CIT: variants seen among roughly 807,000 people sequenced by gnomAD.
CIT encodes the protein citron Rho-interacting kinase.
In CIT, 79 loss-of-function variants were observed where a neutral mutation model predicts 272.7. The ratio of observed to expected loss-of-function variants is 0.29; its 90% CI spans 0.24 to 0.35. The LOEUF is 0.35. CIT is among the 10% of genes least tolerant of loss of function. The probability of loss-of-function intolerance (pLI) is 1.00; values close to 1 mark genes in which losing one functional copy is unlikely to be tolerated. For synonymous variants in CIT, 948 were observed against 995.6 expected, an observed-to-expected ratio of 0.95 and a Z score of 0.90; for missense variants, 1,909 against 2,618.3, an observed-to-expected ratio of 0.73 and a Z score of 5.91.
At chr12:119,702,947 T>C (rs899159876) in intron 41 of CIT, among the ~76,000 whole-genome samples, 1 of 152,234 alleles carries the variant, frequency 6.6e-6, no homozygotes. Flanking sequence ...TTATTTTTAG[T>C]TGTTTTTAGG....
chr12:119,813,807 G>A (rs1966898271), intron 9 of CIT, among the ~76,000 whole-genome samples: 1 of 152,202 alleles, frequency 6.6e-6, no homozygotes, highest in African/African-American at 2.4e-5. Flanking sequence ...ACACTTCCGA[G>A]GGATGGGGCC....
At chr12:119,803,579 ACCAAC>A (rs1303114117) in intron 9 of CIT, 190 bp from the exon 10 acceptor site, 7 of 443,720 alleles carry the variant, frequency 1.6e-5, no homozygotes, top group Non-Finnish European at 2.8e-5. Context: ...CAACATGGCC[ACCAAC>A]CCGCAGACAG....
At chr12:119,852,553 A>C (rs932061501) in intron 4 of CIT, among the ~76,000 whole-genome samples, 3 of 150,792 alleles carry the variant, frequency 2.0e-5, no homozygotes, top group Admixed American at 6.6e-5. Context: ...GTCTCTACTA[A>C]AAAAAATACA....
intron 9 of CIT, among the ~76,000 whole-genome samples, chr12:119,813,098 G>A (rs142579648): frequency 1.3e-5 from 2 of 152,332 alleles, no homozygotes; most frequent in African/African-American, 4.8e-5. Context: ...TCTGTTGGTA[G>A]GATGGGCAAA....
At position 119,728,553 on chromosome 12, in the gene CIT, T is replaced by C. The variant is rs756132568; in HGVS notation, c.3540A>G (p.Leu1180=). 6.2e-7 allele frequency: 1 copy of C among 1,613,896 alleles called. No homozygotes were observed. The highest frequency in any genetic ancestry group is 8.5e-7 in the Non-Finnish European group (1 of 1,179,938). ...HAMLEMNARS[L]QQKLETEREL... ...CTCGTTCAGTCTCCAGCTTCTGCTG[T>C]AAGCTTCGGGCATTCATTTCAAGCA... is the stretch of plus-strand genomic sequence containing the variant. The change falls in exon 28 of 48, where the codon TTA becomes TTG. Residue 1180 remains leucine, a synonymous_variant. Coordinates refer to ENST00000392521, the MANE Select transcript of CIT (RefSeq NM_001206999.2). The surrounding 1 kb of genome is among the most constrained non-coding windows in gnomAD (Gnocchi z 4.3).
intron 10 of CIT, among the ~76,000 whole-genome samples, chr12:119,797,673 C>T (rs886421785): frequency 2.0e-5 from 3 of 152,190 alleles, no homozygotes; most frequent in African/African-American, 7.2e-5. Flanking sequence ...CAATAGGGAT[C>T]TAGGTAGCAA....
intron 5 of CIT, among the ~76,000 whole-genome samples, chr12:119,838,208 G>A: frequency 6.6e-6 from 1 of 152,004 alleles, no homozygotes; most frequent in East Asian, 1.9e-4. Flanking sequence ...GAGTGGCTGG[G>A]ACTACAGGCA....
intron 8 of CIT, among the ~76,000 whole-genome samples, chr12:119,823,981 G>C (rs1967942518): frequency 7.0e-6 from 1 of 142,292 alleles, no homozygotes; most frequent in South Asian, 2.3e-4. Flanking sequence ...CAGGGTTGCA[G>C]TGAGCCGATA....
chr12:119,712,534 G>A lies in CIT; in HGVS notation c.4684+57C>T. Reference sequence around the variant, plus strand: ...TCCCTGTACCACCCCTTCTGTCCCTGCTGATTGGCCAAGCCCGGCCCACCT... The same window carrying A: ...TCCCTGTACCACCCCTTCTGTCCCTACTGATTGGCCAAGCCCGGCCCACCT... On this transcript the variant is annotated intron_variant, in intron 36 of 47. Coordinates refer to ENST00000392521, the MANE Select transcript of CIT (RefSeq NM_001206999.2). This position sits in a 1 kb window ranked among gnomAD's most constrained non-coding sequence, Gnocchi z 5.2. 1.3e-6 allele frequency: 2 copies of A among 1,528,478 alleles called. No homozygotes were observed. Among genetic ancestry groups the A allele is most frequent in the Non-Finnish European group, 1.8e-6 (2 of 1,103,640 alleles). 94.7% of individuals were successfully genotyped at this position (1,528,478 alleles called of 1,614,324 possible).
At chr12:119,859,846 G>A (rs956040376) in intron 3 of CIT, among the ~76,000 whole-genome samples, 10 of 151,354 alleles carry the variant, frequency 6.6e-5, no homozygotes, top group East Asian at 5.8e-4. Context: ...TTGCTCTGTC[G>A]CCCAGGCTGG....
At chr12:119,715,437 C>T (rs1300485458) in intron 32 of CIT, among the ~76,000 whole-genome samples, 3 of 152,028 alleles carry the variant, frequency 2.0e-5, no homozygotes, top group Non-Finnish European at 1.5e-5. Flanking sequence ...ACACAAAGGC[C>T]GCATGCAGTA....
chr12:119,789,692 CT>C (rs1316784349), intron 10 of CIT, among the ~76,000 whole-genome samples: 4 of 151,884 alleles, frequency 2.6e-5, no homozygotes, highest in African/African-American at 7.3e-5. Flanking sequence ...CTAAGATTTT[CT>C]TTTTTTGTTT....
intron 7 of CIT, among the ~76,000 whole-genome samples, chr12:119,831,713 C>CA (rs1968646879): frequency 6.6e-6 from 1 of 151,922 alleles, no homozygotes; most frequent in Non-Finnish European, 1.5e-5. Context: ...ACTAAAAATA[C>CA]AAAAAATTAG....
At chr12:119,726,385 A>ATATT (rs1958106057) in intron 28 of CIT, among the ~76,000 whole-genome samples, 2 of 101,418 alleles carry the variant, frequency 2.0e-5, no homozygotes, top group Admixed American at 2.2e-4. Flanking sequence ...CACTTGGCTA[A>ATATT]TTTTTTTTTT....
intron 26 of CIT, among the ~76,000 whole-genome samples, chr12:119,733,232 G>GA (rs566790161): frequency 0.021 from 2,865 of 134,090 alleles, 43 homozygotes; most frequent in Middle Eastern, 0.075. Context: ...TAAGAAAGGA[G>GA]AAAAAAAAAA....
chr12:119,763,097 T>C (rs190596123), intron 19 of CIT, among the ~76,000 whole-genome samples: 9 of 152,202 alleles, frequency 5.9e-5, no homozygotes, highest in East Asian at 1.9e-4. Flanking sequence ...TTAGCTTTCA[T>C]AGGGTTCAAC....
intron 9 of CIT, among the ~76,000 whole-genome samples, chr12:119,803,936 C>A (rs1287455411): frequency 6.6e-6 from 1 of 151,766 alleles, no homozygotes; most frequent in Admixed American, 6.6e-5. Flanking sequence ...GATACCACTG[C>A]AGTCTACTTC....
rs1311514184 is a variant in CIT, at chr12:119,686,381, C to CG, written c.*1850dup. 6.6e-6 allele frequency: 1 copy of CG among 152,014 alleles called. No homozygotes were observed. Among genetic ancestry groups the CG allele is most frequent in the Non-Finnish European group, 1.5e-5 (1 of 68,006 alleles). The allele number at this position is 152,014 out of a possible 1,614,324, so 9.4% of individuals were successfully genotyped here. A position where few individuals can be genotyped will look rare whatever the true frequency, so the allele number is the denominator to read the frequency against. ...CATTCAATCAAATCTGCCCTGGGGA[C>CG]GGGAGGGGAGGGAGTACGACCCCAC... is the stretch of plus-strand genomic sequence containing the variant. On this transcript the variant is annotated 3_prime_UTR_variant, in exon 48 of 48. Coordinates refer to ENST00000392521, the MANE Select transcript of CIT (RefSeq NM_001206999.2).
At chr12:119,735,098 G>C in intron 25 of CIT, 62 bp downstream of exon 25, 2 of 1,519,918 alleles carry the variant, frequency 1.3e-6, no homozygotes, top group Non-Finnish European at 1.8e-6. Context: ...AACGCACCAA[G>C]CACTCCTAAA....
Sources: allele counts gnomAD v4.1 joint callset (sites outside exome capture counted in the v4.1 genomes callset), GRCh38; gene constraint gnomAD v4.1.1; non-coding constraint Gnocchi (gnomAD v3.1); transcripts MANE v1.5; gene names NCBI Gene and HGNC (gene_info 2026-07-23, HGNC 2026-07-21).